Variants in ZNF491 observed in about 807,000 individuals in gnomAD.
ZNF491 encodes zinc finger protein 491.
In ZNF491, 22 loss-of-function variants were observed where a neutral mutation model predicts 34.7. That is an observed-to-expected ratio of 0.63 (90% CI 0.45 to 0.90). The LOEUF (loss-of-function observed/expected upper bound fraction) is 0.90. Ranked by LOEUF, ZNF491 falls within the 40% of genes least tolerant of loss-of-function variation. The pLI is 0.00. For synonymous variants in ZNF491, 148 were observed against 174.3 expected, an observed-to-expected ratio of 0.85 and a Z score of 1.19; for missense variants, 559 against 531.7, an observed-to-expected ratio of 1.05 and a Z score of -0.51.
chr19:11,799,281 T>C (rs1392107063), intron 1 of ZNF491: 1 of 152,082 alleles, frequency 6.6e-6, no homozygotes, highest in Non-Finnish European at 1.5e-5. Flanking sequence ...CAGATTCCAG[T>C]TTTTTAAAGT....
rs1488851449 is a variant in ZNF491, at chr19:11,807,601, C to T, written c.*334C>T. ...AGTATCCTCCAAATCTCTTGACTTT[C>T]CTTTTTTCAGAGGTGTAGGTTTCCA... is the stretch of plus-strand genomic sequence containing the variant. On this transcript the variant is annotated 3_prime_UTR_variant, in exon 3 of 3. Transcript: ENST00000323169. 4.2e-6 allele frequency: 1 copy of T among 240,158 alleles called. No homozygotes were observed. The highest frequency in any genetic ancestry group is 8.6e-6 in the Non-Finnish European group (1 of 115,990). The allele number at this position is 240,158 out of a possible 1,614,324, so 14.9% of individuals were successfully genotyped here.
At position 11,806,558 on chromosome 19, in the gene ZNF491, T is replaced by G. The variant is rs368829344; in HGVS notation, c.605T>G (p.Phe202Cys). 1 of 1,613,950 alleles carries G rather than the reference T, an allele frequency of 6.2e-7. No individual in the cohort carries two copies. The highest frequency in any genetic ancestry group is 8.5e-7 in the Non-Finnish European group (1 of 1,180,030). Residue 202 changes from phenylalanine (F) to cysteine (C), a missense_variant, in exon 3 of 3, where the codon TTT becomes TGT. Transcript: ENST00000323169. ...AAATCATTCAATTTTTCCAGTTCCT[T>G]TCGCAGACATGAAAGGACACACACA... is the stretch of plus-strand genomic sequence containing the variant. ...CGKSFNFSSSFRRHERTHTGE... is the reference protein window; with the variant it reads ...CGKSFNFSSSCRRHERTHTGE...
chr19:11,806,350 T>A lies in ZNF491; in HGVS notation c.397T>A (p.Cys133Ser), dbSNP rs1175212384. ...GCACAGTGGAGATGGACCTTATAAATGTAAGTTTTGTGGGAAAGCCTTGGA... is the reference window on the plus strand; with the variant it reads ...GCACAGTGGAGATGGACCTTATAAAAGTAAGTTTTGTGGGAAAGCCTTGGA... ...VTHSGDGPYKCKFCGKALDCL... is the reference protein window; with the variant it reads ...VTHSGDGPYKSKFCGKALDCL... The change falls in exon 3 of 3, where the codon TGT (cysteine) becomes AGT (serine). Residue 133 changes from cysteine (C) to serine (S), a missense_variant. Physicochemically the swap from Cys to Ser is moderately radical, Grantham distance 112 (BLOSUM62 -1). Transcript: ENST00000323169. 1 of 1,613,010 alleles carries A rather than the reference T, an allele frequency of 6.2e-7. No homozygotes were observed. Among genetic ancestry groups the A allele is most frequent in the South Asian group, 1.1e-5 (1 of 90,890 alleles).
rs371603892 is a variant in ZNF491, at chr19:11,806,425, C to A, written c.472C>A (p.Arg158=). The A allele has an allele frequency of 1.2e-6, 2 of 1,612,966 alleles. No homozygotes were observed. The highest frequency in any genetic ancestry group is 1.7e-6 in the Non-Finnish European group (2 of 1,179,610). Residue 158 remains arginine, a synonymous_variant, in exon 3 of 3, where the codon CGA becomes AGA. Transcript: ENST00000323169. ...THERTHTGEK[R]YECKQCGKAF... The stretch of plus-strand genomic sequence containing the variant: ...TGAACGAACTCACACTGGAGAGAAA[C>A]GATATGAATGTAAACAATGTGGTAA...
intron 2 of ZNF491, 43 bp from the exon 3 acceptor site, chr19:11,805,904 C>T (rs1014325736): frequency 2.1e-6 from 3 of 1,437,200 alleles, no homozygotes; most frequent in Non-Finnish European, 2.8e-6. Flanking sequence ...TATTAAATCG[C>T]TTATAAACAG....
At chr19:11,803,016 C>G (rs1477696017) in intron 1 of ZNF491, among the ~76,000 whole-genome samples, 3 of 149,366 alleles carry the variant, frequency 2.0e-5, no homozygotes, top group African/African-American at 7.4e-5. Flanking sequence ...GACTCTCACT[C>G]TGTTGTCCAG....
At chr19:11,799,377 T>C (rs1975533560) in intron 1 of ZNF491, 1 of 152,144 alleles carries the variant, frequency 6.6e-6, no homozygotes. Flanking sequence ...TTTAAAAGTT[T>C]AAGTTCTTGC....
In ZNF491 at chr19:11,807,210, C is replaced by T; in HGVS notation, c.1257C>T (p.Ala419=). 5.1e-6 allele frequency: 8 copies of T among 1,581,520 alleles called. No individual in the cohort carries two copies. The highest frequency in any genetic ancestry group is 4.3e-6 in the Non-Finnish European group (5 of 1,167,222). ...KPYQCKECGK[A]FIRSSYCRKH... is the part of the protein sequence containing the mutation. ...ACCAATGTAAGGAATGTGGGAAAGC[C>T]TTCATTCGTTCCAGTTACTGTCGAA... The change falls in exon 3 of 3, where the codon GCC becomes GCT. Residue 419 remains alanine (A), a synonymous_variant. Transcript: ENST00000323169.
At position 11,807,018 on chromosome 19, in the gene ZNF491, T is replaced by C. The variant is rs1360865802; in HGVS notation, c.1065T>C (p.Tyr355=). 4 of 1,611,478 alleles carry C rather than the reference T, an allele frequency of 2.5e-6. No homozygotes were observed. Among genetic ancestry groups the C allele is most frequent in the Non-Finnish European group, 3.4e-6 (4 of 1,178,980 alleles). Reference sequence around the variant, plus strand: ...GGACTCACACTGGTGAGAAACCCTATGAATGTAAGCAATGTGGGAAAGCAT... The same window carrying C: ...GGACTCACACTGGTGAGAAACCCTACGAATGTAAGCAATGTGGGAAAGCAT... ...HGRTHTGEKP[Y]ECKQCGKAFH... Residue 355 remains tyrosine, a synonymous_variant, in exon 3 of 3, where the codon TAT becomes TAC. Coordinates refer to ENST00000323169, the MANE Select transcript of ZNF491 (RefSeq NM_152356.4).
intron 1 of ZNF491, among the ~76,000 whole-genome samples, chr19:11,803,196 T>C (rs1414011992): frequency 6.6e-6 from 1 of 152,128 alleles, no homozygotes; most frequent in Admixed American, 6.5e-5. Flanking sequence ...TTGGCCAGCC[T>C]GGTTTTGAAC....
chr19:11,807,176 A>G lies in ZNF491; in HGVS notation c.1223A>G (p.Glu408Gly), dbSNP rs146096736. ...ATACATGAAAGAATTCACACTGGAG[A>G]GAAACCTTACCAATGTAAGGAATGT... is the stretch of plus-strand genomic sequence containing the variant. ...IRIHERIHTG[E>G]KPYQCKECGK... Residue 408 changes from glutamate to glycine, a missense_variant, in exon 3 of 3, where the codon GAG becomes GGG. By Grantham distance (98) the Glu-to-Gly change is moderately conservative. Transcript: ENST00000323169. 3.1e-4 allele frequency: 505 copies of G among 1,605,842 alleles called. No homozygotes were observed. The highest frequency in any genetic ancestry group is 4.1e-4 in the Non-Finnish European group (477 of 1,177,016).
Position 11,806,426 on chromosome 19 carries a change from G to A in ZNF491, c.473G>A (p.Arg158Gln), listed in dbSNP as rs376949228. 1.9e-5 allele frequency: 30 copies of A among 1,611,932 alleles called. No individual in the cohort carries two copies. The highest frequency in any genetic ancestry group is 5.4e-5 in the African/African-American group (4 of 74,596). The change falls in exon 3 of 3, where the codon CGA becomes CAA. Residue 158 changes from arginine (R) to glutamine (Q), a missense_variant. By Grantham distance (43) the Arg-to-Gln change is conservative. Coordinates refer to ENST00000323169, the MANE Select transcript of ZNF491 (RefSeq NM_152356.4). ...GAACGAACTCACACTGGAGAGAAAC[G>A]ATATGAATGTAAACAATGTGGTAAA... ...THERTHTGEK[R>Q]YECKQCGKAF... is the part of the protein sequence containing the mutation.
chr19:11,804,072 G>A (rs886255421), intron 1 of ZNF491, among the ~76,000 whole-genome samples: 6 of 152,018 alleles, frequency 3.9e-5, no homozygotes, highest in African/African-American at 1.5e-4. Flanking sequence ...GCATGGTGGT[G>A]CGTGCCTGTA....
chr19:11,806,355 GT>G lies in ZNF491; in HGVS notation c.406del (p.Cys136ValfsTer121), dbSNP rs1568233839. The G allele has an allele frequency of 6.2e-7, 1 of 1,613,162 alleles. No homozygotes were observed. Among genetic ancestry groups the G allele is most frequent in the Non-Finnish European group, 8.5e-7 (1 of 1,179,676 alleles). On this transcript the variant is annotated frameshift_variant, in exon 3 of 3. Coordinates refer to ENST00000323169, the MANE Select transcript of ZNF491 (RefSeq NM_152356.4). LOFTEE classifies it high-confidence loss of function. ...GTGGAGATGGACCTTATAAATGTAA[GT>G]TTTGTGGGAAAGCCTTGGATTGTCT... is the stretch of plus-strand genomic sequence containing the variant. ...HSGDGPYKCK[F>X]CGKALDCLSL... is the part of the protein sequence containing the mutation.
Position 11,806,323 on chromosome 19 carries a change from A to C in ZNF491, c.370A>C (p.Thr124Pro). 1.2e-6 allele frequency: 2 copies of C among 1,611,288 alleles called. No homozygotes were observed. Among genetic ancestry groups the C allele is most frequent in the Non-Finnish European group, 1.7e-6 (2 of 1,179,024 alleles). Residue 124 changes from threonine to proline, a missense_variant, in exon 3 of 3, where the codon ACG (threonine) becomes CCG (proline). Thr to Pro is a conservative substitution (Grantham distance 38). Transcript: ENST00000323169. ...TGCAAGCATTCGAAGATATATGGTA[A>C]CGCACAGTGGAGATGGACCTTATAA... ...SPASIRRYMVTHSGDGPYKCK... is the reference protein window; with the variant it reads ...SPASIRRYMVPHSGDGPYKCK...
Position 11,805,449 on chromosome 19 carries a change from TTC to T in ZNF491, c.-7-496_-7-495del, listed in dbSNP as rs1204939947. Among the ~76,000 whole-genome samples the T allele has an allele frequency of 5.3e-5, 8 of 151,060 alleles. No homozygotes were observed. In the South Asian group the frequency reaches 1.5e-3, roughly 28 times the overall value. On this transcript the variant is annotated intron_variant, in intron 2 of 2. Coordinates refer to ENST00000323169, the MANE Select transcript of ZNF491 (RefSeq NM_152356.4). ...AAAAAAAAGAAACCTCATGTAAATA[TTC>T]TTTTTTTGATGATAGATATAGACAG... is the stretch of plus-strand genomic sequence containing the variant.
rs1975620343 is a variant in ZNF491, at chr19:11,806,805, T to G, written c.852T>G (p.Ser284Arg). 1.9e-6 allele frequency: 3 copies of G among 1,610,386 alleles called. No homozygotes were observed. Among genetic ancestry groups the G allele is most frequent in the Non-Finnish European group, 2.5e-6 (3 of 1,178,514 alleles). ...KICGKAFYSP[S>R]SFQRHERSHT... The stretch of plus-strand genomic sequence containing the variant: ...GTGGGAAAGCCTTTTACTCTCCCAG[T>G]TCATTTCAAAGGCATGAAAGAAGTC... The change falls in exon 3 of 3, where the codon AGT (serine) becomes AGG (arginine). Residue 284 changes from serine to arginine, a missense_variant. Physicochemically the swap from Ser to Arg is moderately radical, Grantham distance 110 (BLOSUM62 -1). Coordinates refer to ENST00000323169, the MANE Select transcript of ZNF491 (RefSeq NM_152356.4).
At chr19:11,803,871 G>A (rs1298548265) in intron 1 of ZNF491, among the ~76,000 whole-genome samples, 2 of 152,106 alleles carry the variant, frequency 1.3e-5, no homozygotes, top group African/African-American at 4.8e-5. Flanking sequence ...CAAGGGAGGA[G>A]GGCCAATTCA....
At position 11,807,580 on chromosome 19, in the gene ZNF491, T is replaced by C. The variant is rs1448521316; in HGVS notation, c.*313T>C. On this transcript the variant is annotated 3_prime_UTR_variant, in exon 3 of 3. Transcript: ENST00000323169. Reference sequence around the variant, plus strand: ...TTCTCTGGCTTGTCAATCAAGAGTATCCTCCAAATCTCTTGACTTTCCTTT... The same window carrying C: ...TTCTCTGGCTTGTCAATCAAGAGTACCCTCCAAATCTCTTGACTTTCCTTT... 1.1e-5 allele frequency: 3 copies of C among 285,188 alleles called. No homozygotes were observed. The highest frequency in any genetic ancestry group is 2.1e-5 in the Non-Finnish European group (3 of 145,042). 17.7% of individuals were successfully genotyped at this position (285,188 alleles called of 1,614,324 possible). A position where few individuals can be genotyped will look rare whatever the true frequency, so the allele number is the denominator to read the frequency against.
Sources: gnomAD v4.1 joint callset for allele counts (sites outside exome capture counted in the v4.1 genomes callset) on GRCh38, gnomAD v4.1.1 for gene constraint, MANE v1.5 for transcripts, NCBI Gene and HGNC (gene_info 2026-07-23, HGNC 2026-07-21) for gene names.